The following AEN variants were observed in gnomAD, a reference collection of about 807,000 sequenced individuals.
AEN encodes apoptosis-enhancing nuclease.
AEN carries 21 observed loss-of-function variants against 17.7 expected under a neutral mutation model. That is an observed-to-expected ratio of 1.19 (90% CI 0.84 to 1.71). The LOEUF (loss-of-function observed/expected upper bound fraction) is 1.71. Among genes scored for constraint, AEN ranks in the 40% most tolerant of loss-of-function variants. The pLI, the probability that AEN is intolerant of heterozygous loss-of-function variation, is 0.00. For synonymous variants in AEN, 190 were observed against 173.0 expected (o/e 1.10, Z -0.77); for missense variants, 462 against 435.9 (o/e 1.06, Z -0.53).
chr15:88,608,159 ACCAAT>A, the AEN span: 1 of 531,928 alleles, frequency 1.9e-6, no homozygotes. Flanking sequence ...TGCCTTGTCA[ACCAAT>A]AAGAGGATGC....
chr15:88,618,072 A>C (rs146423226), upstream of AEN, among the ~76,000 whole-genome samples: 1 of 152,134 alleles, frequency 6.6e-6, no homozygotes, highest in African/African-American at 2.4e-5. Flanking sequence ...CCTTCCTATA[A>C]AAGAAAATCC....
the AEN span, among the ~76,000 whole-genome samples, chr15:88,609,560 A>G: frequency 6.6e-5 from 10 of 152,314 alleles, no homozygotes; most frequent in African/African-American, 2.4e-4. Context: ...CATGGAGGAA[A>G]CCATGGAAAC....
Position 88,631,246 on chromosome 15 carries a change from C to T in AEN, c.*952C>T. The T allele has an allele frequency of 2.3e-6, 1 of 442,898 alleles. No homozygotes were observed. Among genetic ancestry groups the T allele is most frequent in the South Asian group, 1.6e-5 (1 of 64,166 alleles). 27.4% of individuals were successfully genotyped at this position (442,898 alleles called of 1,614,324 possible). ...GTCTAGGGCAGTGGAGTCTGCGTGT[C>T]TCCTGGGGCTGGGGCAGGGCATTGG... On this transcript the variant is annotated 3_prime_UTR_variant, in exon 4 of 4. Coordinates refer to ENST00000332810, the MANE Select transcript of AEN (RefSeq NM_022767.4).
At chr15:88,628,853 G>C in intron 2 of AEN, 1 of 211,370 alleles carries the variant, frequency 4.7e-6, no homozygotes. Flanking sequence ...TGGGTGGAGT[G>C]GGAGGCCTGG....
the AEN span, among the ~76,000 whole-genome samples, chr15:88,611,620 G>A: frequency 6.6e-6 from 1 of 151,914 alleles, no homozygotes; most frequent in Non-Finnish European, 1.5e-5. Context: ...AAACAACTGT[G>A]TCCATTATAG....
At position 88,631,705 on chromosome 15, in the gene AEN, C is replaced by T. The variant is rs2057930421; in HGVS notation, c.*1411C>T. 1 of 152,366 alleles carries T rather than the reference C, an allele frequency of 6.6e-6. No individual in the cohort carries two copies. Among genetic ancestry groups the T allele is most frequent in the Non-Finnish European group, 1.5e-5 (1 of 68,468 alleles). The allele number at this position is 152,366 out of a possible 1,614,324, so 9.4% of individuals were successfully genotyped here. On this transcript the variant is annotated 3_prime_UTR_variant, in exon 4 of 4. Transcript: ENST00000332810. Reference sequence around the variant, plus strand: ...TTTATTCTTTGAGAATTTGTTGTAACTTCTTCAGGATAACACCTGAGTCCA... The same window carrying T: ...TTTATTCTTTGAGAATTTGTTGTAATTTCTTCAGGATAACACCTGAGTCCA...
upstream of AEN, among the ~76,000 whole-genome samples, chr15:88,617,016 T>C (rs1351107812): frequency 6.6e-6 from 1 of 152,254 alleles, no homozygotes; most frequent in East Asian, 1.9e-4. Context: ...TATGGACATC[T>C]TAAAAAGACG....
chr15:88,608,574 C>T, the AEN span, among the ~76,000 whole-genome samples: 1,528 of 152,298 alleles, frequency 0.01, 22 homozygotes, highest in South Asian at 0.064. Context: ...AGCTAGAAGT[C>T]GGAAGAACTG....
the AEN span, among the ~76,000 whole-genome samples, chr15:88,606,758 G>GT: frequency 1.3e-5 from 2 of 152,182 alleles, no homozygotes; most frequent in Admixed American, 1.3e-4. Flanking sequence ...GAAGATGTTT[G>GT]TTTTTTGTTT....
intron 1 of AEN, among the ~76,000 whole-genome samples, chr15:88,624,227 A>G (rs2057822701): frequency 6.6e-6 from 1 of 152,162 alleles, no homozygotes; most frequent in African/African-American, 2.4e-5. Context: ...GAGCCTCAGT[A>G]TGGCATTGGC....
At chr15:88,618,015 C>T (rs534411525), upstream of AEN, among the ~76,000 whole-genome samples, 8 of 152,268 alleles carry the variant, frequency 5.3e-5, no homozygotes, top group South Asian at 1.7e-3. Context: ...CTGTCACTCT[C>T]GTTCATCCCA....
At chr15:88,609,172 C>T in the AEN span, among the ~76,000 whole-genome samples, 1 of 152,168 alleles carries the variant, frequency 6.6e-6, no homozygotes, top group Admixed American at 6.5e-5. Flanking sequence ...TTATTGGCCC[C>T]ATCTGTGCCA....
chr15:88,606,882 G>A, the AEN span, among the ~76,000 whole-genome samples: 1 of 152,002 alleles, frequency 6.6e-6, no homozygotes, highest in Non-Finnish European at 1.5e-5. Flanking sequence ...TTTACAATTT[G>A]GGCTTTTATA....
At chr15:88,622,612 C>G (rs991616090) in intron 1 of AEN, among the ~76,000 whole-genome samples, 7 of 151,018 alleles carry the variant, frequency 4.6e-5, no homozygotes, top group African/African-American at 1.7e-4. Context: ...CACCGGTAGT[C>G]AGAGTGAAAC....
chr15:88,622,053 G>T (rs2057794403), intron 1 of AEN, among the ~76,000 whole-genome samples: 1 of 152,108 alleles, frequency 6.6e-6, no homozygotes, highest in South Asian at 2.1e-4. Flanking sequence ...GCTACTTAGT[G>T]CCAGAGGAGG....
chr15:88,613,664 C>T, the AEN span, among the ~76,000 whole-genome samples: 1 of 152,010 alleles, frequency 6.6e-6, no homozygotes, highest in Admixed American at 6.6e-5. Context: ...GGAGTCCTGG[C>T]TCTGAAGTCA....
At chr15:88,616,855 C>T (rs1319908249), upstream of AEN, among the ~76,000 whole-genome samples, 1 of 152,072 alleles carries the variant, frequency 6.6e-6, no homozygotes, top group Non-Finnish European at 1.5e-5. Context: ...CAACTGTAGG[C>T]CAATGTAAAT....
the AEN span, chr15:88,604,959 C>G: frequency 6.6e-6 from 1 of 152,402 alleles, no homozygotes; most frequent in South Asian, 2.1e-4. The surrounding 1 kb of genome is among the most constrained non-coding windows in gnomAD (Gnocchi z 8.1). Flanking sequence ...GTAAAAATCC[C>G]AGCCGAGGTC....
chr15:88,629,446 CT>C lies in AEN; in HGVS notation c.741+21del, dbSNP rs2057899289. On this transcript the variant is annotated intron_variant, in intron 3 of 3. Transcript: ENST00000332810. ...ATCCAGGTGCGTGGTGGGAGAGTGG[CT>C]GGAAGGGAGGGAGGCCCGCCTGGCC... 1 of 1,608,724 alleles carries C rather than the reference CT, an allele frequency of 6.2e-7. No homozygotes were observed. Among genetic ancestry groups the C allele is most frequent in the African/African-American group, 1.3e-5 (1 of 74,800 alleles).
Sources: gnomAD v4.1 joint callset for allele counts (sites outside exome capture counted in the v4.1 genomes callset) on GRCh38, gnomAD v4.1.1 for gene constraint, Gnocchi (gnomAD v3.1) non-coding constraint, MANE v1.5 for transcripts, NCBI Gene and HGNC (gene_info 2026-07-23, HGNC 2026-07-21) for gene names.